SCFD1: variants seen among roughly 807,000 people sequenced by gnomAD.
SCFD1 encodes sec1 family domain-containing protein 1.
A neutral mutation model predicts 103.2 loss-of-function variants in SCFD1; 37 were observed. That is an observed-to-expected ratio of 0.36 (90% CI 0.28 to 0.47). The LOEUF (loss-of-function observed/expected upper bound fraction) is 0.47. Among genes scored for constraint, SCFD1 ranks in the 20% least tolerant of loss-of-function variants. The probability of loss-of-function intolerance (pLI) is 1.00; values close to 1 mark genes in which losing one functional copy is unlikely to be tolerated. For missense variants in SCFD1, 639 were observed against 761.2 expected (o/e 0.84, Z 1.89); for synonymous variants, 264 against 245.0 (o/e 1.08, Z -0.73).
At chr14:30,626,871 C>T (rs1883513822) in intron 1 of SCFD1, among the ~76,000 whole-genome samples, 1 of 152,188 alleles carries the variant, frequency 6.6e-6, no homozygotes, top group Non-Finnish European at 1.5e-5. Context: ...GCAGTTTTAA[C>T]AGCATTATAC....
intron 14 of SCFD1, among the ~76,000 whole-genome samples, chr14:30,678,025 A>G (rs1889178693): frequency 6.6e-6 from 1 of 151,578 alleles, no homozygotes; most frequent in South Asian, 2.1e-4. Context: ...TTTTTAGTAG[A>G]GACAGGATTT....
chr14:30,671,483 A>C (rs192122033), intron 11 of SCFD1, among the ~76,000 whole-genome samples: 4 of 152,270 alleles, frequency 2.6e-5, no homozygotes, highest in African/African-American at 9.6e-5. Flanking sequence ...GCATTCCCTA[A>C]TAGAGAAAAG....
At chr14:30,661,114 A>T (rs1195307438) in intron 10 of SCFD1, among the ~76,000 whole-genome samples, 1 of 152,178 alleles carries the variant, frequency 6.6e-6, no homozygotes, top group Non-Finnish European at 1.5e-5. Flanking sequence ...GAGATTAAAG[A>T]ACCCATTTTT....
At chr14:30,734,062 A>G (rs1166444652) in intron 23 of SCFD1, among the ~76,000 whole-genome samples, 2 of 152,184 alleles carry the variant, frequency 1.3e-5, no homozygotes, top group Non-Finnish European at 2.9e-5. Context: ...CATCTAGGAC[A>G]TGTATTCAGC....
chr14:30,705,911 C>T, intron 18 of SCFD1, 26 bp downstream of exon 18: 1 of 1,571,378 alleles, frequency 6.4e-7, no homozygotes, highest in South Asian at 1.1e-5. Context: ...AATTCTTTTG[C>T]ATCTTTGTAC....
intron 15 of SCFD1, 136 bp from the exon 16 acceptor site, chr14:30,700,052 A>G (rs1283706929): frequency 7.9e-6 from 5 of 632,846 alleles, no homozygotes; most frequent in Non-Finnish European, 1.4e-5. Flanking sequence ...TATGCCTGTT[A>G]CCTTAGTTAA....
At chr14:30,706,391 G>T (rs1258697565) in intron 18 of SCFD1, among the ~76,000 whole-genome samples, 1 of 151,874 alleles carries the variant, frequency 6.6e-6, no homozygotes, top group Non-Finnish European at 1.5e-5. Context: ...ATTCCAAGGG[G>T]TATAGTTTTT....
At chr14:30,630,437 T>C (rs758711311) in intron 2 of SCFD1, 40 bp from the exon 3 acceptor site, 11 of 1,112,736 alleles carry the variant, frequency 9.9e-6, no homozygotes, top group Non-Finnish European at 1.4e-5. Flanking sequence ...TCACTATTGG[T>C]TGTTCACTGA....
At chr14:30,734,900 T>C (rs1893729410) in intron 24 of SCFD1, 42 bp downstream of exon 24, 1 of 1,433,708 alleles carries the variant, frequency 7.0e-7, no homozygotes, top group African/African-American at 1.4e-5. Flanking sequence ...AACATACCCC[T>C]AGTTGCTATT....
At chr14:30,642,196 T>C (rs1057404976) in intron 6 of SCFD1, among the ~76,000 whole-genome samples, 2 of 152,120 alleles carry the variant, frequency 1.3e-5, no homozygotes, top group Non-Finnish European at 2.9e-5. Context: ...CAAGCAATCC[T>C]CCTGCCTCAG....
intron 17 of SCFD1, among the ~76,000 whole-genome samples, chr14:30,703,362 G>A (rs551684703): frequency 6.7e-6 from 1 of 149,354 alleles, no homozygotes; most frequent in African/African-American, 2.5e-5. Flanking sequence ...TTACAGTTAT[G>A]ATCCCTGTTT....
intron 23 of SCFD1, among the ~76,000 whole-genome samples, chr14:30,730,977 G>GT (rs1259487201): frequency 6.6e-6 from 1 of 152,044 alleles, no homozygotes. Flanking sequence ...GGTTTTTATG[G>GT]TTTTAGGTCT....
chr14:30,729,462 A>G (rs527614645), intron 23 of SCFD1, among the ~76,000 whole-genome samples: 4 of 152,242 alleles, frequency 2.6e-5, no homozygotes, highest in South Asian at 2.1e-4. Context: ...TCTTTCCCCC[A>G]TGTAATGGTT....
chr14:30,661,287 G>C (rs1167032547), intron 10 of SCFD1, among the ~76,000 whole-genome samples: 2 of 152,104 alleles, frequency 1.3e-5, no homozygotes, highest in Non-Finnish European at 2.9e-5. Context: ...ACTGATTTGT[G>C]TGAACCAAAG....
rs374433606 is a variant in SCFD1 at position 30,637,077 on chromosome 14, A to G, written c.313-1048A>G. Reference sequence around the variant, plus strand: ...GGTATTTAGGAATCAGGATCTAGGCATTAGGTATATTCATTGTGACTAGAG... The same window carrying G: ...GGTATTTAGGAATCAGGATCTAGGCGTTAGGTATATTCATTGTGACTAGAG... On this transcript the variant is annotated intron_variant, in intron 4 of 24. Transcript: ENST00000458591. 5.7e-4 allele frequency among the ~76,000 whole-genome samples: 87 copies of G among 152,204 alleles called. 1 individual carries two copies. The South Asian group carries it at 0.017, about 29-fold the overall frequency.
At chr14:30,718,391 C>G (rs1403564918) in intron 20 of SCFD1, among the ~76,000 whole-genome samples, 1 of 152,230 alleles carries the variant, frequency 6.6e-6, no homozygotes, top group African/African-American at 2.4e-5. Context: ...GTTCCCTTGA[C>G]TTTCACTTTA....
At chr14:30,682,792 G>T (rs1889592344) in intron 14 of SCFD1, among the ~76,000 whole-genome samples, 1 of 152,136 alleles carries the variant, frequency 6.6e-6, no homozygotes, top group African/African-American at 2.4e-5. Flanking sequence ...ACAGTCTTCA[G>T]CTTAGGTGTA....
intron 2 of SCFD1, among the ~76,000 whole-genome samples, chr14:30,629,326 G>A (rs563357905): frequency 6.6e-6 from 1 of 152,212 alleles, no homozygotes; most frequent in South Asian, 2.1e-4. Context: ...TTAAGAAAAT[G>A]TGTTTTCATA....
intron 23 of SCFD1, among the ~76,000 whole-genome samples, chr14:30,729,977 T>G (rs1195494806): frequency 1.3e-5 from 2 of 152,200 alleles, no homozygotes; most frequent in Non-Finnish European, 1.5e-5. Context: ...TCGTTTACGT[T>G]AGGTATATCT....
Sources: gnomAD v4.1 joint callset for allele counts (sites outside exome capture counted in the v4.1 genomes callset) on GRCh38, gnomAD v4.1.1 for gene constraint, MANE v1.5 for transcripts, NCBI Gene and HGNC (gene_info 2026-07-23, HGNC 2026-07-21) for gene names.